PLXNA4: variants seen among roughly 807,000 people sequenced by gnomAD.
The protein encoded by PLXNA4 is plexin-A4.
PLXNA4 carries 44 observed loss-of-function variants against 191.8 expected under a neutral mutation model. That is an observed-to-expected ratio of 0.23 (90% confidence interval 0.18 to 0.29). The LOEUF is 0.29. PLXNA4 is among the 10% of genes least tolerant of loss of function. The pLI is 1.00. For synonymous variants in PLXNA4, 1,082 were observed against 1,009.5 expected (o/e 1.07, Z -1.36); for missense variants, 1,800 against 2,488.8 (o/e 0.72, Z 5.89).
chr7:132,203,184 G>T, intron 11 of PLXNA4, 139 bp downstream of exon 11: 1 of 747,756 alleles, frequency 1.3e-6, no homozygotes, highest in Non-Finnish European at 2.2e-6. Context: ...GAGAGGCTGT[G>T]AAGGAGGGGC....
intron 2 of PLXNA4, among the ~76,000 whole-genome samples, chr7:132,601,980 C>T (rs2116841136): frequency 6.6e-6 from 1 of 152,328 alleles, no homozygotes; most frequent in East Asian, 1.9e-4. Flanking sequence ...TCTCAATTTG[C>T]TGGACAAGTT....
intron 4 of PLXNA4, among the ~76,000 whole-genome samples, chr7:132,273,390 T>C (rs1283657199): frequency 6.6e-6 from 1 of 151,992 alleles, no homozygotes; most frequent in African/African-American, 2.4e-5. Context: ...CATCACTTTG[T>C]CTCCAGAATC....
intron 3 of PLXNA4, among the ~76,000 whole-genome samples, chr7:132,377,422 G>GAAA (rs10596289): frequency 1.2e-5 from 1 of 86,478 alleles, no homozygotes; most frequent in Admixed American, 1.1e-4. Flanking sequence ...AAATGAAAAA[G>GAAA]AAAAAAAAAA....
chr7:132,132,598 T>G (rs1795001368), intron 31 of PLXNA4, among the ~76,000 whole-genome samples: 1 of 151,468 alleles, frequency 6.6e-6, no homozygotes, highest in African/African-American at 2.4e-5. Context: ...TTCTATTCCA[T>G]TCTGTTTTGA....
intron 1 of PLXNA4, among the ~76,000 whole-genome samples, chr7:132,553,822 T>G (rs1696156624): frequency 6.6e-6 from 1 of 152,118 alleles, no homozygotes; most frequent in African/African-American, 2.4e-5. Context: ...TGCTGTCCTC[T>G]CTGGTTGACC....
At chr7:132,236,530 T>C (rs1562984213) in intron 5 of PLXNA4, among the ~76,000 whole-genome samples, 1 of 152,160 alleles carries the variant, frequency 6.6e-6, no homozygotes, top group South Asian at 2.1e-4. Flanking sequence ...GTCTTGCCCA[T>C]GGTGGGGGCC....
chr7:132,588,634 AGGAAG>A (rs1188847081), intron 2 of PLXNA4, among the ~76,000 whole-genome samples: 5,230 of 59,916 alleles, frequency 0.087, 254 homozygotes, highest in Middle Eastern at 0.15. Flanking sequence ...TGAGGAAGGA[AGGAAG>A]GGAAGGGAAG....
intron 1 of PLXNA4, among the ~76,000 whole-genome samples, chr7:132,556,808 A>G (rs192901967): frequency 5.6e-4 from 85 of 152,366 alleles, no homozygotes; most frequent in African/African-American, 2.0e-3. Context: ...CAACGGACAG[A>G]TTCCAGGACT....
chr7:132,420,568 G>A (rs1194730379), intron 3 of PLXNA4, among the ~76,000 whole-genome samples: 1 of 152,150 alleles, frequency 6.6e-6, no homozygotes, highest in Admixed American at 6.5e-5. Context: ...TGAATAGGAA[G>A]AAGAACACTC....
intron 4 of PLXNA4, among the ~76,000 whole-genome samples, chr7:132,267,022 T>G (rs925004571): frequency 1.3e-5 from 2 of 152,206 alleles, no homozygotes; most frequent in African/African-American, 4.8e-5. Flanking sequence ...GAGGTTCCAG[T>G]TGAGACCTTC....
At chr7:132,355,016 G>A (rs927274896) in intron 3 of PLXNA4, among the ~76,000 whole-genome samples, 4 of 152,180 alleles carry the variant, frequency 2.6e-5, no homozygotes, top group Non-Finnish European at 4.4e-5. Context: ...GGAGGTCTTG[G>A]TTTCAGGCAG....
intron 4 of PLXNA4, among the ~76,000 whole-genome samples, chr7:132,282,911 CTG>C (rs1800539389): frequency 6.6e-6 from 1 of 152,070 alleles, no homozygotes; most frequent in Non-Finnish European, 1.5e-5. Context: ...GGGTTTTGCT[CTG>C]TTACCTAGGC....
At chr7:132,630,230 C>T (rs567116273) in intron 2 of PLXNA4, among the ~76,000 whole-genome samples, 1 of 152,284 alleles carries the variant, frequency 6.6e-6, no homozygotes, top group Admixed American at 6.5e-5. Context: ...TACTTGTCTC[C>T]TAAAGGCCCT....
At chr7:132,180,272 T>C (rs1178631271) in intron 19 of PLXNA4, among the ~76,000 whole-genome samples, 1 of 152,218 alleles carries the variant, frequency 6.6e-6, no homozygotes, top group Non-Finnish European at 1.5e-5. Flanking sequence ...CAGAACATGA[T>C]ATTAAGATAT....
At chr7:132,613,718 T>C (rs2116857254) in intron 2 of PLXNA4, among the ~76,000 whole-genome samples, 1 of 152,308 alleles carries the variant, frequency 6.6e-6, no homozygotes, top group Non-Finnish European at 1.5e-5. Flanking sequence ...ACGCATTTGT[T>C]GGCTATCTAT....
intron 27 of PLXNA4, among the ~76,000 whole-genome samples, chr7:132,147,310 T>C (rs1562834): frequency 0.9 from 136,487 of 152,228 alleles, 61,539 homozygotes; most frequent in African/African-American, 0.96. Context: ...TTATCTAGAA[T>C]GATCCTGTTC....
chr7:132,578,191 A>ATT (rs1274789724), upstream of PLXNA4, among the ~76,000 whole-genome samples: 15 of 152,214 alleles, frequency 9.9e-5, no homozygotes, highest in Admixed American at 4.6e-4. Flanking sequence ...GGGCCCACCC[A>ATT]CCAAGAGAAA....
intron 3 of PLXNA4, among the ~76,000 whole-genome samples, chr7:132,344,815 A>T (rs540004979): frequency 6.6e-6 from 1 of 152,200 alleles, no homozygotes; most frequent in African/African-American, 2.4e-5. Flanking sequence ...TCTCAGTGGA[A>T]CTAGGGAATA....
At chr7:132,220,382 G>C (rs1798103274) in intron 9 of PLXNA4, among the ~76,000 whole-genome samples, 1 of 152,192 alleles carries the variant, frequency 6.6e-6, no homozygotes, top group Non-Finnish European at 1.5e-5. Flanking sequence ...ACCTAGACCA[G>C]AAGCTCCCCA....
Sources: allele counts gnomAD v4.1 joint callset (sites outside exome capture counted in the v4.1 genomes callset), GRCh38; gene constraint gnomAD v4.1.1; transcripts MANE v1.5; gene names NCBI Gene and HGNC (gene_info 2026-07-23, HGNC 2026-07-21).